Variants in RAB2A observed in about 807,000 individuals in gnomAD.
RAB2A encodes ras-related protein Rab-2A.
In RAB2A, 7 loss-of-function variants were observed where a neutral mutation model predicts 32.5. The observed-to-expected ratio is 0.22, with a 90% CI of 0.12 to 0.40. The LOEUF is 0.40. Among genes scored for constraint, RAB2A ranks in the 10% least tolerant of loss-of-function variants. The pLI, the probability that RAB2A is intolerant of heterozygous loss-of-function variation, is 1.00. For missense variants in RAB2A, 108 were observed against 260.7 expected (o/e 0.41, Z 4.03); for synonymous variants, 79 against 85.2 (o/e 0.93, Z 0.40).
chr8:60,595,435 C>A (rs1383305649), intron 6 of RAB2A, among the ~76,000 whole-genome samples: 1 of 152,018 alleles, frequency 6.6e-6, no homozygotes, highest in African/African-American at 2.4e-5. Flanking sequence ...TCAAAATACA[C>A]AAATCAAAAG....
chr8:60,610,903 T>C (rs1430322579), intron 6 of RAB2A, among the ~76,000 whole-genome samples: 1 of 152,220 alleles, frequency 6.6e-6, no homozygotes, highest in Non-Finnish European at 1.5e-5. Context: ...ACTTGTACGA[T>C]GTATTAGAAT....
intron 1 of RAB2A, among the ~76,000 whole-genome samples, chr8:60,543,541 T>C (rs1191711930): frequency 6.6e-6 from 1 of 152,176 alleles, no homozygotes; most frequent in African/African-American, 2.4e-5. Flanking sequence ...CCAGGATCCT[T>C]AATTACATCT....
chr8:60,558,989 A>T, intron 2 of RAB2A, 66 bp downstream of exon 2: 1 of 1,178,204 alleles, frequency 8.5e-7, no homozygotes, highest in Non-Finnish European at 1.3e-6. Flanking sequence ...AAATGCTAGA[A>T]GGTCCATTCT....
rs545682216 is a variant in RAB2A at position 60,598,117 on chromosome 8, G to C, written c.474+6148G>C. Among the ~76,000 whole-genome samples, 25 of 152,278 alleles carry C rather than the reference G, an allele frequency of 1.6e-4. No individual in the cohort carries two copies. In the East Asian group the frequency reaches 4.4e-3, roughly 27 times the overall value. ...GGAGGCTAAGGCAGGAAAATCGCTT[G>C]AACCCAGGAGGCAGAGGTTGCAGTG... On this transcript the variant is annotated intron_variant, in intron 6 of 7. Coordinates refer to ENST00000262646, the MANE Select transcript of RAB2A (RefSeq NM_002865.3).
intron 1 of RAB2A, among the ~76,000 whole-genome samples, chr8:60,534,635 T>C (rs1315402148): frequency 1.3e-5 from 2 of 152,176 alleles, no homozygotes; most frequent in South Asian, 2.1e-4. Context: ...TAACACTTAT[T>C]TTGCCAAGAA....
In RAB2A at chr8:60,596,548, T is replaced by G. The variant is rs564772724; in HGVS notation, c.474+4579T>G. Among the ~76,000 whole-genome samples the G allele has an allele frequency of 9.2e-5, 14 of 152,314 alleles. No homozygotes were observed. The East Asian group carries it at 2.7e-3, about 29-fold the overall frequency. ...CGGCCAACAAACATATGAAAACTCA[T>G]TATTACTGGTCATTAGAGAAATGCA... On this transcript the variant is annotated intron_variant, in intron 6 of 7. Coordinates refer to ENST00000262646, the MANE Select transcript of RAB2A (RefSeq NM_002865.3).
At chr8:60,529,096 TTTCTTTGTCTTTTTC>T (rs1407042896) in intron 1 of RAB2A, among the ~76,000 whole-genome samples, 1 of 152,150 alleles carries the variant, frequency 6.6e-6, no homozygotes, top group Admixed American at 6.5e-5. Flanking sequence ...TTCTTTTTTT[TTTCTTTGTCTTTTTC>T]TTCTTTTTTA....
intron 1 of RAB2A, among the ~76,000 whole-genome samples, chr8:60,554,035 A>G (rs958037397): frequency 2.6e-5 from 4 of 152,220 alleles, no homozygotes; most frequent in African/African-American, 9.6e-5. Flanking sequence ...CTGTATTGTC[A>G]TAGTATTAAT....
rs969606925 is a variant in RAB2A at position 60,621,586 on chromosome 8, G to A, written c.*817G>A. On this transcript the variant is annotated 3_prime_UTR_variant, in exon 8 of 8. Transcript: ENST00000262646. Reference sequence around the variant, plus strand: ...CACAGTATAATGAGTGAAAAGGGCAGAAGCAAGAAATTTCTACATCTTAGC... The same window carrying A: ...CACAGTATAATGAGTGAAAAGGGCAAAAGCAAGAAATTTCTACATCTTAGC... 6.6e-6 allele frequency: 1 copy of A among 152,180 alleles called. No individual in the cohort carries two copies. Among genetic ancestry groups the A allele is most frequent in the African/African-American group, 2.4e-5 (1 of 41,434 alleles). 9.4% of individuals were successfully genotyped at this position (152,180 alleles called of 1,614,324 possible).
chr8:60,590,180 T>G (rs1390326146), intron 5 of RAB2A, among the ~76,000 whole-genome samples: 1 of 152,064 alleles, frequency 6.6e-6, no homozygotes, highest in African/African-American at 2.4e-5. Flanking sequence ...AGGCTGGTCT[T>G]GAACTCCTAA....
chr8:60,559,613 T>C (rs566127553), intron 2 of RAB2A, among the ~76,000 whole-genome samples: 9 of 152,354 alleles, frequency 5.9e-5, no homozygotes, highest in African/African-American at 2.2e-4. Flanking sequence ...CTTTAGGTAA[T>C]CTTACTGTTT....
chr8:60,520,494 C>T (rs1213847798), intron 1 of RAB2A, among the ~76,000 whole-genome samples: 1 of 152,254 alleles, frequency 6.6e-6, no homozygotes, highest in African/African-American at 2.4e-5. Context: ...ACCCTCCCTG[C>T]TGCTCAACGC....
chr8:60,531,864 G>A (rs1010656661), intron 1 of RAB2A, among the ~76,000 whole-genome samples: 37 of 147,928 alleles, frequency 2.5e-4, no homozygotes, highest in Non-Finnish European at 4.9e-4. Flanking sequence ...CTACAATGGC[G>A]TGATCTTGGC....
rs987050459 is a variant in RAB2A at position 60,516,993 on chromosome 8, C to T, written c.-215C>T. On this transcript the variant is annotated 5_prime_UTR_variant, in exon 1 of 8. Coordinates refer to ENST00000262646, the MANE Select transcript of RAB2A (RefSeq NM_002865.3). ...AGGCGCCGCGGCGGCTGTTATTGTT[C>T]GGCTGGGCTCGGTCGGGCGCTGTCT... 8.9e-6 allele frequency: 4 copies of T among 450,470 alleles called. No homozygotes were observed. The highest frequency in any genetic ancestry group is 7.3e-5 in the East Asian group (2 of 27,408). The allele number at this position is 450,470 out of a possible 1,614,324, so 27.9% of individuals were successfully genotyped here.
intron 1 of RAB2A, among the ~76,000 whole-genome samples, chr8:60,522,225 G>A (rs1807312854): frequency 6.6e-6 from 1 of 152,198 alleles, no homozygotes; most frequent in Non-Finnish European, 1.5e-5. Flanking sequence ...GGTTACCAGT[G>A]TCATGTGCAG....
chr8:60,553,706 T>A (rs1261970239), intron 1 of RAB2A, among the ~76,000 whole-genome samples: 2 of 152,202 alleles, frequency 1.3e-5, no homozygotes, highest in African/African-American at 4.8e-5. Flanking sequence ...GTGTTACAGC[T>A]AATAAGTGAC....
At chr8:60,523,759 C>T (rs56030634) in intron 1 of RAB2A, among the ~76,000 whole-genome samples, 22,289 of 149,336 alleles carry the variant, frequency 0.15, 1,805 homozygotes, top group East Asian at 0.26. Flanking sequence ...GGCGCGATCT[C>T]GGCTCACTGC....
At chr8:60,620,643 A>G (rs762937023) in intron 7 of RAB2A, 31 bp from the exon 8 acceptor site, 1 of 1,452,756 alleles carries the variant, frequency 6.9e-7, no homozygotes, top group Non-Finnish European at 9.6e-7. Context: ...TTGTCTGGTC[A>G]TATTTATTGT....
intron 6 of RAB2A, among the ~76,000 whole-genome samples, chr8:60,608,674 T>C (rs1804285029): frequency 6.8e-6 from 1 of 146,678 alleles, no homozygotes; most frequent in South Asian, 2.3e-4. Context: ...CACTTTGAGA[T>C]ATCACCTAAG....
Sources: allele counts gnomAD v4.1 joint callset (sites outside exome capture counted in the v4.1 genomes callset), GRCh38; gene constraint gnomAD v4.1.1; transcripts MANE v1.5; gene names NCBI Gene and HGNC (gene_info 2026-07-23, HGNC 2026-07-21).